WDR59: variants seen among roughly 807,000 people sequenced by gnomAD.
The protein encoded by WDR59 is WD repeat domain 59.
Under a neutral mutation model 131.2 loss-of-function variants are expected in WDR59, and 100 were observed. That is an observed-to-expected ratio of 0.76 (90% CI 0.65 to 0.90). The LOEUF (loss-of-function observed/expected upper bound fraction) is 0.90, where lower values mean the gene tolerates loss of function less well. WDR59 is among the 40% of genes least tolerant of loss of function. The pLI is 0.00. For missense variants in WDR59, 1,203 were observed against 1,262.2 expected, an observed-to-expected ratio of 0.95 and a Z score of 0.71; for synonymous variants, 601 against 466.2, an observed-to-expected ratio of 1.29 and a Z score of -3.72.
intron 2 of WDR59, among the ~76,000 whole-genome samples, chr16:74,962,381 G>A (rs2033601528): frequency 6.6e-6 from 1 of 152,024 alleles, no homozygotes; most frequent in Admixed American, 6.6e-5. Flanking sequence ...TGGGAGGTAT[G>A]GCCATTTTCA....
intron 23 of WDR59, 56 bp downstream of exon 23, chr16:74,887,627 G>A: frequency 1.3e-6 from 2 of 1,526,280 alleles, no homozygotes; most frequent in Non-Finnish European, 1.8e-6. Context: ...GGTTACATAT[G>A]CACAGCTCTG....
At chr16:74,924,142 A>T in intron 8 of WDR59, 139 bp from the exon 9 acceptor site, 1 of 732,350 alleles carries the variant, frequency 1.4e-6, no homozygotes, top group Non-Finnish European at 2.2e-6. Context: ...CAGCTCCTAT[A>T]ACCACGCACT....
intron 6 of WDR59, among the ~76,000 whole-genome samples, chr16:74,943,157 C>G (rs1408254169): frequency 1.3e-5 from 2 of 152,044 alleles, no homozygotes; most frequent in African/African-American, 4.8e-5. Context: ...ATTGACTTGT[C>G]ACACAACCTG....
rs902978302 is a variant in WDR59, at chr16:74,872,892, C to G, written c.*1317G>C. 6.6e-6 allele frequency: 1 copy of G among 151,992 alleles called. No individual in the cohort carries two copies. Among genetic ancestry groups the G allele is most frequent in the Non-Finnish European group, 1.5e-5 (1 of 68,032 alleles). The allele number at this position is 151,992 out of a possible 1,614,324, so 9.4% of individuals were successfully genotyped here. A position where few individuals can be genotyped will look rare whatever the true frequency, so the allele number is the denominator to read the frequency against. Reference sequence around the variant, plus strand: ...GGGACCACAGGCATGTGCCACCACACCCGGCTATTTTTTTAATTTTTTTTT... The same window carrying G: ...GGGACCACAGGCATGTGCCACCACAGCCGGCTATTTTTTTAATTTTTTTTT... On this transcript the variant is annotated 3_prime_UTR_variant, in exon 26 of 26. Coordinates refer to ENST00000262144, the MANE Select transcript of WDR59 (RefSeq NM_030581.4).
At chr16:74,918,984 G>C (rs1362812139) in intron 10 of WDR59, among the ~76,000 whole-genome samples, 1 of 152,116 alleles carries the variant, frequency 6.6e-6, no homozygotes, top group Non-Finnish European at 1.5e-5. Context: ...CCACCATCTT[G>C]CCTCATGTCC....
At chr16:74,966,954 G>A (rs1037440242) in intron 1 of WDR59, among the ~76,000 whole-genome samples, 1 of 152,182 alleles carries the variant, frequency 6.6e-6, no homozygotes, top group African/African-American at 2.4e-5. Flanking sequence ...CTTTGGACAA[G>A]TTCAAATCCT....
chr16:74,906,071 T>C (rs1313575713), intron 17 of WDR59, among the ~76,000 whole-genome samples: 2 of 151,666 alleles, frequency 1.3e-5, no homozygotes, highest in East Asian at 3.9e-4. Flanking sequence ...TCCCAGCACT[T>C]TGGGAGGCCG....
intron 25 of WDR59, among the ~76,000 whole-genome samples, chr16:74,884,949 C>G (rs913739088): frequency 1.3e-5 from 2 of 152,172 alleles, no homozygotes; most frequent in African/African-American, 4.8e-5. Context: ...TTCTCCCTGC[C>G]CCCACATCGT....
chr16:74,890,494 G>T (rs773126918), intron 20 of WDR59, among the ~76,000 whole-genome samples: 1 of 152,048 alleles, frequency 6.6e-6, no homozygotes, highest in Non-Finnish European at 1.5e-5. Context: ...AAGTTGGGTT[G>T]GCAGGGAGGA....
chr16:74,898,178 T>C (rs1041252892), intron 18 of WDR59, among the ~76,000 whole-genome samples: 1 of 152,230 alleles, frequency 6.6e-6, no homozygotes, highest in African/African-American at 2.4e-5. Context: ...ATTTCTTTTA[T>C]GATCCTCTGG....
intron 1 of WDR59, among the ~76,000 whole-genome samples, chr16:74,967,415 T>C (rs1189800823): frequency 6.6e-6 from 1 of 152,096 alleles, no homozygotes; most frequent in Non-Finnish European, 1.5e-5. Flanking sequence ...GGGGAGTCTG[T>C]GGTAGGCAGA....
intron 3 of WDR59, among the ~76,000 whole-genome samples, chr16:74,955,181 C>A (rs761164171): frequency 5.3e-5 from 8 of 152,208 alleles, no homozygotes; most frequent in Non-Finnish European, 8.8e-5. Context: ...CCACTGAGTA[C>A]AACAACTGAG....
chr16:74,908,018 T>G (rs558949742), intron 17 of WDR59, among the ~76,000 whole-genome samples: 2 of 152,200 alleles, frequency 1.3e-5, no homozygotes, highest in Non-Finnish European at 2.9e-5. Context: ...AGAAAAACTT[T>G]TTTTAATGCA....
intron 7 of WDR59, among the ~76,000 whole-genome samples, chr16:74,939,497 G>A (rs1394739743): frequency 6.7e-6 from 1 of 148,244 alleles, no homozygotes; most frequent in African/African-American, 2.5e-5. Flanking sequence ...AATGTTAAAT[G>A]AAAAAAAAGT....
chr16:74,978,432 A>G (rs944745324), intron 1 of WDR59, among the ~76,000 whole-genome samples: 1 of 151,782 alleles, frequency 6.6e-6, no homozygotes, highest in East Asian at 1.9e-4. Context: ...TGGAGGCTGC[A>G]CTCAGCAAGG....
At chr16:74,914,064 T>C (rs1275710713) in intron 13 of WDR59, among the ~76,000 whole-genome samples, 1 of 152,050 alleles carries the variant, frequency 6.6e-6, no homozygotes, top group East Asian at 1.9e-4. Context: ...GAAAAAAAAT[T>C]AGCTGAGCGT....
intron 1 of WDR59, 149 bp downstream of exon 1, chr16:74,984,815 G>C: frequency 3.6e-6 from 4 of 1,111,506 alleles, no homozygotes; most frequent in Admixed American, 2.6e-5. Flanking sequence ...CTCCCCCGAC[G>C]GGGCCTAAGA....
At chr16:74,969,162 G>C (rs765372894) in intron 1 of WDR59, among the ~76,000 whole-genome samples, 3 of 152,232 alleles carry the variant, frequency 2.0e-5, no homozygotes, top group Non-Finnish European at 4.4e-5. Flanking sequence ...GCAGTCTGAA[G>C]AAAGGTGCCT....
intron 18 of WDR59, among the ~76,000 whole-genome samples, chr16:74,901,195 G>T (rs1965533564): frequency 6.6e-6 from 1 of 152,092 alleles, no homozygotes; most frequent in Non-Finnish European, 1.5e-5. Context: ...GACTGCAAGA[G>T]CCCAGGAGTT....
Sources: allele counts gnomAD v4.1 joint callset (sites outside exome capture counted in the v4.1 genomes callset), GRCh38; gene constraint gnomAD v4.1.1; transcripts MANE v1.5; gene names NCBI Gene and HGNC (gene_info 2026-07-23, HGNC 2026-07-21).